RBM27: variants seen among roughly 807,000 people sequenced by gnomAD.
RBM27 encodes the protein RNA-binding protein 27.
RBM27 carries 22 observed loss-of-function variants against 135.3 expected under a neutral mutation model. The ratio of observed to expected loss-of-function variants is 0.16; its 90% CI spans 0.12 to 0.23. The LOEUF (loss-of-function observed/expected upper bound fraction) is 0.23, where lower values mean the gene tolerates loss of function less well. Ranked by LOEUF, RBM27 falls within the 10% of genes least tolerant of loss-of-function variation. The probability of loss-of-function intolerance (pLI) is 1.00; values close to 1 mark genes in which losing one functional copy is unlikely to be tolerated. For missense variants in RBM27, 1,009 were observed against 1,281.0 expected (o/e 0.79, Z 3.24); for synonymous variants, 481 against 442.4 (o/e 1.09, Z -1.10).
rs117955053 is a variant in RBM27 at position 146,205,848 on chromosome 5, G to A, written c.59+2024G>A. On this transcript the variant is annotated intron_variant, in intron 1 of 20. Coordinates refer to ENST00000265271, the MANE Select transcript of RBM27 (RefSeq NM_018989.2). ...AGCCTGGCCAATATGGTGAAACCCCGTCTCTACTGAAAGTATAAAAATTAA... is the reference window on the plus strand; with the variant it reads ...AGCCTGGCCAATATGGTGAAACCCCATCTCTACTGAAAGTATAAAAATTAA... Among the ~76,000 whole-genome samples, 548 of 152,126 alleles carry A rather than the reference G, an allele frequency of 3.6e-3. 20 individuals are homozygous for A. The East Asian group carries it at 0.096, about 27-fold the overall frequency.
intron 17 of RBM27, 21 bp downstream of exon 17, chr5:146,269,605 T>C: frequency 2.0e-6 from 3 of 1,493,512 alleles, no homozygotes; most frequent in Non-Finnish European, 2.7e-6. Context: ...GCATTTTTTA[T>C]TTAACATAGG....
chr5:146,223,058 G>A (rs191452227), intron 2 of RBM27, among the ~76,000 whole-genome samples: 12 of 152,088 alleles, frequency 7.9e-5, no homozygotes, highest in African/African-American at 2.7e-4. Context: ...ATATCTTTGA[G>A]ATCAGGTATT....
chr5:146,207,951 GTTTTTT>G (rs11401604), intron 1 of RBM27, among the ~76,000 whole-genome samples: 1 of 81,210 alleles, frequency 1.2e-5, no homozygotes, highest in Non-Finnish European at 2.1e-5. Context: ...GGCCTAACAG[GTTTTTT>G]TTTTTTTTTT....
chr5:146,261,417 T>G, intron 12 of RBM27, 93 bp from the exon 13 acceptor site: 2 of 1,055,738 alleles, frequency 1.9e-6, no homozygotes, highest in Non-Finnish European at 2.8e-6. Context: ...AACATGTGTA[T>G]TTTGGGGAAA....
chr5:146,271,615 G>C lies in RBM27; in HGVS notation c.2929G>C (p.Ala977Pro), dbSNP rs761763891. The C allele has an allele frequency of 1.9e-6, 3 of 1,613,916 alleles. No homozygotes were observed. In the African/African-American group the frequency reaches 4.0e-5, roughly 22 times the overall value. ...NHMVVDHRPK[A>P]LTVGGFIEEE... The stretch of plus-strand genomic sequence containing the variant: ...CATGGTGGTGGACCATCGTCCCAAA[G>C]CACTAACAGTTGGAGGATTCATTGA... Residue 977 changes from alanine (A) to proline (P), a missense_variant, in exon 19 of 21, where the codon GCA becomes CCA. By Grantham distance (27) the Ala-to-Pro change is conservative. This residue lies in a region of RBM27 where 355 missense variants were observed against 427.3 expected (regional missense o/e 0.83). Coordinates refer to ENST00000265271, the MANE Select transcript of RBM27 (RefSeq NM_018989.2).
rs565711028 is a variant in RBM27 at position 146,253,195 on chromosome 5, G to A, written c.1444+1320G>A. ...GTATTTTTAGTAGAGACGGGGTTTT[G>A]CCATGTTGGTCAGGCTGGTCTCGAA... On this transcript the variant is annotated intron_variant, in intron 9 of 20. Transcript: ENST00000265271. 3.2e-3 allele frequency among the ~76,000 whole-genome samples: 492 copies of A among 151,874 alleles called. 4 individuals carry two copies. Among genetic ancestry groups the A allele is most frequent in the African/African-American group, 0.011 (471 of 41,386 alleles).
chr5:146,233,862 A>G, intron 7 of RBM27, 119 bp downstream of exon 7: 1 of 618,854 alleles, frequency 1.6e-6, no homozygotes, highest in Non-Finnish European at 2.4e-6. Flanking sequence ...ATAATTTGGA[A>G]TATATTCCCA....
intron 9 of RBM27, among the ~76,000 whole-genome samples, chr5:146,252,254 G>A (rs1479233634): frequency 6.6e-6 from 1 of 152,164 alleles, no homozygotes; most frequent in Non-Finnish European, 1.5e-5. Flanking sequence ...ATAAACATCT[G>A]GTTTCTTGCC....
intron 9 of RBM27, among the ~76,000 whole-genome samples, chr5:146,253,333 T>G (rs559704652): frequency 6.6e-6 from 1 of 152,264 alleles, no homozygotes; most frequent in Admixed American, 6.5e-5. Context: ...CAGGAAACTT[T>G]GAGACTGAAT....
At chr5:146,215,099 G>T (rs1756132681) in intron 1 of RBM27, among the ~76,000 whole-genome samples, 2 of 152,140 alleles carry the variant, frequency 1.3e-5, no homozygotes, top group Non-Finnish European at 2.9e-5. Flanking sequence ...GCCCAGGCTG[G>T]AGTGCACTGG....
intron 3 of RBM27, among the ~76,000 whole-genome samples, chr5:146,227,340 G>A (rs1466463763): frequency 2.0e-5 from 3 of 152,166 alleles, no homozygotes; most frequent in African/African-American, 4.8e-5. Context: ...GCATCCCAGT[G>A]GAATAATACA....
Position 146,258,554 on chromosome 5 carries a change from G to A in RBM27, c.1700G>A (p.Gly567Asp), listed in dbSNP as rs1758222417. ...GATAGTCGAAAAAGAGCTATGAGTG[G>A]TTTGGAAGGGCCACTCACAAAGAAA... ...EPDSRKRAMS[G>D]LEGPLTKKPW... The change falls in exon 11 of 21, where the codon GGT becomes GAT. Residue 567 changes from glycine (G) to aspartate (D), a missense_variant. Physicochemically the swap from Gly to Asp is moderately conservative, Grantham distance 94. Coordinates refer to ENST00000265271, the MANE Select transcript of RBM27 (RefSeq NM_018989.2). 6.3e-7 allele frequency: 1 copy of A among 1,584,880 alleles called. No individual in the cohort carries two copies. Among genetic ancestry groups the A allele is most frequent in the Non-Finnish European group, 8.6e-7 (1 of 1,165,698 alleles).
At chr5:146,251,298 G>A (rs1464760665) in intron 8 of RBM27, among the ~76,000 whole-genome samples, 2 of 152,110 alleles carry the variant, frequency 1.3e-5, no homozygotes, top group African/African-American at 4.8e-5. Context: ...TGGTTGGAGA[G>A]GGGTTGTTTT....
chr5:146,246,369 G>A lies in RBM27; in HGVS notation c.1280-5342G>A, dbSNP rs566363114. Among the ~76,000 whole-genome samples the A allele has an allele frequency of 2.6e-5, 4 of 152,222 alleles. No individual in the cohort carries two copies. The South Asian group carries it at 8.3e-4, about 32-fold the overall frequency. ...TAAGAAGTTGAAAATATTGATATTAGGCATGTTACCTATATGAACAATTTA... is the reference window on the plus strand; with the variant it reads ...TAAGAAGTTGAAAATATTGATATTAAGCATGTTACCTATATGAACAATTTA... On this transcript the variant is annotated intron_variant, in intron 8 of 20. Coordinates refer to ENST00000265271, the MANE Select transcript of RBM27 (RefSeq NM_018989.2).
chr5:146,263,929 A>G (rs987718572), intron 14 of RBM27, among the ~76,000 whole-genome samples: 7 of 151,180 alleles, frequency 4.6e-5, no homozygotes, highest in Non-Finnish European at 1.0e-4. Flanking sequence ...AAATGGCGAA[A>G]CCCCCTCTCT....
chr5:146,232,953 A>G (rs1218654817), intron 6 of RBM27, among the ~76,000 whole-genome samples: 1 of 152,180 alleles, frequency 6.6e-6, no homozygotes, highest in African/African-American at 2.4e-5. Context: ...TTTTTCTACT[A>G]TGTACAGTGC....
chr5:146,286,676 T>C lies in RBM27; in HGVS notation c.*646T>C, dbSNP rs1443647999. 1 of 152,166 alleles carries C rather than the reference T, an allele frequency of 6.6e-6. No individual in the cohort carries two copies. The highest frequency in any genetic ancestry group is 1.5e-5 in the Non-Finnish European group (1 of 68,040). 9.4% of individuals were successfully genotyped at this position (152,166 alleles called of 1,614,324 possible). On this transcript the variant is annotated 3_prime_UTR_variant, in exon 21 of 21. Transcript: ENST00000265271. ...ATGCTACAGCAATGGTAGCTAGCTC[T>C]ATAGTATTTCCATTCTCTTGTCATA...
chr5:146,278,088 TAGTG>T (rs1759169112), intron 19 of RBM27, among the ~76,000 whole-genome samples: 1 of 152,218 alleles, frequency 6.6e-6, no homozygotes, highest in Non-Finnish European at 1.5e-5. Flanking sequence ...TTTATACTTG[TAGTG>T]ACATTGGATG....
rs544876927 is a variant in RBM27, at chr5:146,205,998, C to T, written c.59+2174C>T. Among the ~76,000 whole-genome samples, 7 of 152,088 alleles carry T rather than the reference C, an allele frequency of 4.6e-5. No individual in the cohort carries two copies. In the South Asian group the frequency reaches 1.2e-3, roughly 27 times the overall value. On this transcript the variant is annotated intron_variant, in intron 1 of 20. Coordinates refer to ENST00000265271, the MANE Select transcript of RBM27 (RefSeq NM_018989.2). ...TCAGGCCACTGCTCTCCAGCCTGGG[C>T]AACAGAGCCAGACTCCGTCTCAACA...
Sources: gnomAD v4.1 joint callset for allele counts (sites outside exome capture counted in the v4.1 genomes callset) on GRCh38, gnomAD v4.1.1 for gene constraint, gnomAD v4.1.1 regional missense constraint, MANE v1.5 for transcripts, NCBI Gene and HGNC (gene_info 2026-07-23, HGNC 2026-07-21) for gene names.